KCTD16: variants seen among roughly 807,000 people sequenced by gnomAD.
The protein encoded by KCTD16 is potassium channel tetramerization domain containing 16, also known as BTB/POZ domain-containing protein KCTD16.
KCTD16 carries 13 observed loss-of-function variants against 33.2 expected under a neutral mutation model. The observed-to-expected ratio is 0.39, with a 90% CI of 0.25 to 0.62. The LOEUF (loss-of-function observed/expected upper bound fraction) is 0.62. Among genes scored for constraint, KCTD16 ranks in the 20% least tolerant of loss-of-function variants. The probability of loss-of-function intolerance (pLI) is 0.50; values close to 1 mark genes in which losing one functional copy is unlikely to be tolerated. For synonymous variants in KCTD16, 197 were observed against 195.3 expected (o/e 1.01, Z -0.07); for missense variants, 441 against 525.1 (o/e 0.84, Z 1.57).
intron 2 of KCTD16, among the ~76,000 whole-genome samples, chr5:144,199,312 T>C (rs1373200121): frequency 6.6e-6 from 1 of 152,170 alleles, no homozygotes; most frequent in African/African-American, 2.4e-5. Context: ...AAAGATATAT[T>C]ACATAGTACA....
chr5:144,262,675 T>A (rs997791745), intron 3 of KCTD16, among the ~76,000 whole-genome samples: 5 of 152,246 alleles, frequency 3.3e-5, no homozygotes, highest in African/African-American at 1.2e-4. Flanking sequence ...GAGAAAGACC[T>A]TCCTACTTCT....
chr5:144,392,081 T>A (rs1752462017), intron 3 of KCTD16, among the ~76,000 whole-genome samples: 1 of 152,242 alleles, frequency 6.6e-6, no homozygotes. Flanking sequence ...TTTTAATAGT[T>A]ATATTAAATG....
At chr5:144,209,515 C>T (rs1753298487) in intron 3 of KCTD16, among the ~76,000 whole-genome samples, 1 of 151,996 alleles carries the variant, frequency 6.6e-6, no homozygotes, top group African/African-American at 2.4e-5. Context: ...TTGTACCCAC[C>T]ATCTAGAGCT....
intron 3 of KCTD16, among the ~76,000 whole-genome samples, chr5:144,222,557 G>A (rs374836650): frequency 2.0e-5 from 3 of 152,124 alleles, no homozygotes; most frequent in East Asian, 1.9e-4. Flanking sequence ...ATCATTGCTG[G>A]CCATCAGAGA....
At chr5:144,284,158 A>G (rs1278298963) in intron 3 of KCTD16, among the ~76,000 whole-genome samples, 2 of 152,212 alleles carry the variant, frequency 1.3e-5, no homozygotes, top group African/African-American at 4.8e-5. Flanking sequence ...TTGAATTTCA[A>G]AGACTTGCCT....
At chr5:144,455,653 G>C (rs866193413) in intron 3 of KCTD16, among the ~76,000 whole-genome samples, 1 of 152,172 alleles carries the variant, frequency 6.6e-6, no homozygotes, top group Non-Finnish European at 1.5e-5. Context: ...GAGTGGCCAG[G>C]AAAGAAGTAA....
chr5:144,412,199 A>G (rs760554962), intron 3 of KCTD16, among the ~76,000 whole-genome samples: 1 of 152,220 alleles, frequency 6.6e-6, no homozygotes, highest in Non-Finnish European at 1.5e-5. Flanking sequence ...GAGAATTAAT[A>G]CATTGAAAGG....
At chr5:144,435,148 CAA>C (rs1311000051) in intron 3 of KCTD16, among the ~76,000 whole-genome samples, 2 of 152,142 alleles carry the variant, frequency 1.3e-5, no homozygotes, top group Non-Finnish European at 2.9e-5. Flanking sequence ...AAATATAAAA[CAA>C]AGTGGATTAT....
At chr5:144,375,171 G>C (rs1752062396) in intron 3 of KCTD16, among the ~76,000 whole-genome samples, 1 of 152,126 alleles carries the variant, frequency 6.6e-6, no homozygotes, top group Non-Finnish European at 1.5e-5. Context: ...TCTGTGCTCA[G>C]CTCTTTGAGA....
At chr5:144,299,136 ATATATATATATATTTTTTT>A (rs1751333335) in intron 3 of KCTD16, among the ~76,000 whole-genome samples, 2 of 30,426 alleles carry the variant, frequency 6.6e-5, no homozygotes, top group African/African-American at 7.5e-4. Context: ...ATATATATAT[ATATATATATATATTTTTTT>A]TTTTTTTTTT....
At chr5:144,293,243 A>G (rs1334896172) in intron 3 of KCTD16, among the ~76,000 whole-genome samples, 3 of 152,018 alleles carry the variant, frequency 2.0e-5, no homozygotes, top group East Asian at 1.9e-4. Flanking sequence ...TTTACAGTCT[A>G]TCCTAATTCT....
chr5:144,382,841 G>A (rs895158328), intron 3 of KCTD16, among the ~76,000 whole-genome samples: 5 of 152,132 alleles, frequency 3.3e-5, no homozygotes, highest in Non-Finnish European at 7.4e-5. Context: ...CATTCTTCCT[G>A]GATCAAGAAA....
At chr5:144,420,588 CTTT>C (rs908046444) in intron 3 of KCTD16, among the ~76,000 whole-genome samples, 25 of 152,026 alleles carry the variant, frequency 1.6e-4, no homozygotes, top group African/African-American at 6.0e-4. Context: ...AACAACTGTA[CTTT>C]TTTTATAGAG....
chr5:144,185,260 T>G (rs1752702150), intron 2 of KCTD16, among the ~76,000 whole-genome samples: 1 of 152,168 alleles, frequency 6.6e-6, no homozygotes, highest in Admixed American at 6.5e-5. Context: ...TACTCAGTCT[T>G]TTAAAATATC....
At chr5:144,189,376 G>T (rs1304722754) in intron 2 of KCTD16, among the ~76,000 whole-genome samples, 1 of 151,862 alleles carries the variant, frequency 6.6e-6, no homozygotes, top group Non-Finnish European at 1.5e-5. Context: ...GGCGCCTGTA[G>T]TCCCAGCTGC....
intron 3 of KCTD16, among the ~76,000 whole-genome samples, chr5:144,264,132 C>T (rs76119045): frequency 0.057 from 8,682 of 152,168 alleles, 827 homozygotes; most frequent in African/African-American, 0.19. Context: ...TTGGGGTCCC[C>T]ATGTCTTTTG....
At chr5:144,294,615 C>T (rs1032405630) in intron 3 of KCTD16, among the ~76,000 whole-genome samples, 2 of 152,044 alleles carry the variant, frequency 1.3e-5, no homozygotes, top group African/African-American at 2.4e-5. Context: ...TTCCTCATTC[C>T]TTCCATGTAG....
At position 144,251,354 on chromosome 5, in the gene KCTD16, G is replaced by C. The variant is rs77498990; in HGVS notation, c.832+43808G>C. Among the ~76,000 whole-genome samples, 1,499 of 152,214 alleles carry C rather than the reference G, an allele frequency of 9.8e-3. 22 individuals are homozygous for C. Among genetic ancestry groups the C allele is most frequent in the African/African-American group, 0.034 (1,409 of 41,532 alleles). On this transcript the variant is annotated intron_variant, in intron 3 of 3. Transcript: ENST00000512467. ...ACCTTGGGCAAATTATGTAATCTCTGCCTCAGTTTCCTCATTTACAGTGAG... is the reference window on the plus strand; with the variant it reads ...ACCTTGGGCAAATTATGTAATCTCTCCCTCAGTTTCCTCATTTACAGTGAG...
chr5:144,260,582 G>A (rs573952478), intron 3 of KCTD16, among the ~76,000 whole-genome samples: 52 of 152,288 alleles, frequency 3.4e-4, no homozygotes, highest in Middle Eastern at 3.4e-3. Context: ...ATTTCTGAGA[G>A]CAAGTAATAA....
Sources: gnomAD v4.1 joint callset for allele counts (sites outside exome capture counted in the v4.1 genomes callset) on GRCh38, gnomAD v4.1.1 for gene constraint, MANE v1.5 for transcripts, NCBI Gene and HGNC (gene_info 2026-07-23, HGNC 2026-07-21) for gene names.